The following GDPD1 variants were observed in gnomAD, a reference collection of about 807,000 sequenced individuals.
GDPD1 encodes the protein lysophospholipase D GDPD1.
A neutral mutation model predicts 45.1 loss-of-function variants in GDPD1; 28 were observed. The ratio of observed to expected loss-of-function variants is 0.62; its 90% CI spans 0.46 to 0.85. The LOEUF is 0.85. Ranked by LOEUF, GDPD1 falls within the 40% of genes least tolerant of loss-of-function variation. GDPD1 has a pLI of 0.00. For synonymous variants in GDPD1, 139 were observed against 131.4 expected, an observed-to-expected ratio of 1.06 and a Z score of -0.40; for missense variants, 256 against 364.8, an observed-to-expected ratio of 0.70 and a Z score of 2.43.
chr17:59,247,927 G>A (rs894067867), intron 3 of GDPD1, among the ~76,000 whole-genome samples: 1 of 152,080 alleles, frequency 6.6e-6, no homozygotes, highest in Admixed American at 6.6e-5. Context: ...ACTGCACCCA[G>A]CCTGCACTGA....
intron 1 of GDPD1, among the ~76,000 whole-genome samples, chr17:59,221,517 G>A (rs1370501991): frequency 6.7e-6 from 1 of 149,188 alleles, no homozygotes; most frequent in Non-Finnish European, 1.5e-5. Context: ...GACTAAAAAT[G>A]ATTTCGTTTA....
intron 2 of GDPD1, among the ~76,000 whole-genome samples, chr17:59,240,465 A>G (rs1370600548): frequency 6.6e-6 from 1 of 151,980 alleles, no homozygotes. Context: ...CAGTAAGCTA[A>G]ATAGGTATTT....
At chr17:59,261,490 TTTATTATTA>T (rs766401407) in intron 6 of GDPD1, among the ~76,000 whole-genome samples, 3 of 151,228 alleles carry the variant, frequency 2.0e-5, no homozygotes, top group Admixed American at 6.6e-5. Flanking sequence ...AATGATTTAT[TTTATTATTA>T]TTATTATTAT....
chr17:59,223,317 A>G (rs1318854429), intron 1 of GDPD1, among the ~76,000 whole-genome samples: 2 of 152,206 alleles, frequency 1.3e-5, no homozygotes, highest in Non-Finnish European at 2.9e-5. Context: ...AATCTGTTTT[A>G]CCTATATAAT....
intron 4 of GDPD1, among the ~76,000 whole-genome samples, chr17:59,255,894 T>C (rs867401520): frequency 1.3e-4 from 18 of 135,340 alleles, no homozygotes; most frequent in East Asian, 4.5e-4. Flanking sequence ...CACACACACA[T>C]ATATATATAT....
chr17:59,264,247 G>A (rs923170245), intron 6 of GDPD1, among the ~76,000 whole-genome samples: 3 of 151,706 alleles, frequency 2.0e-5, no homozygotes, highest in South Asian at 4.2e-4. Flanking sequence ...TGATCCACCC[G>A]CCTCAGCCTC....
At chr17:59,254,914 T>A (rs2047284819) in intron 4 of GDPD1, among the ~76,000 whole-genome samples, 1 of 152,204 alleles carries the variant, frequency 6.6e-6, no homozygotes, top group South Asian at 2.1e-4. Flanking sequence ...CATATTGTTA[T>A]GCTTAACAGG....
intron 1 of GDPD1, among the ~76,000 whole-genome samples, chr17:59,221,643 T>G (rs1315135856): frequency 6.6e-6 from 1 of 152,170 alleles, no homozygotes. Context: ...GCCAAATCTT[T>G]GCTTCTTCAT....
intron 2 of GDPD1, among the ~76,000 whole-genome samples, chr17:59,236,311 C>T (rs988949404): frequency 1.4e-4 from 21 of 152,092 alleles, no homozygotes; most frequent in African/African-American, 5.1e-4. Flanking sequence ...TTGCTAAATA[C>T]AACATATTTT....
chr17:59,243,422 T>A (rs1011171684), intron 2 of GDPD1, among the ~76,000 whole-genome samples: 4 of 151,928 alleles, frequency 2.6e-5, no homozygotes, highest in African/African-American at 9.7e-5. Flanking sequence ...GAGAATTGCT[T>A]GAACCTGGGA....
intron 8 of GDPD1, among the ~76,000 whole-genome samples, chr17:59,272,206 A>T (rs2047449606): frequency 6.6e-6 from 1 of 152,196 alleles, no homozygotes; most frequent in African/African-American, 2.4e-5. Context: ...ATGTCTTTCC[A>T]GTGCAATGAA....
chr17:59,231,412 T>C (rs1172223787), intron 1 of GDPD1, among the ~76,000 whole-genome samples: 2 of 147,568 alleles, frequency 1.4e-5, no homozygotes, highest in Non-Finnish European at 3.0e-5. Flanking sequence ...CTGCAAGCTC[T>C]GCCTCCCGGG....
At chr17:59,258,585 A>G (rs1400303056) in intron 6 of GDPD1, among the ~76,000 whole-genome samples, 1 of 152,114 alleles carries the variant, frequency 6.6e-6, no homozygotes, top group Non-Finnish European at 1.5e-5. Flanking sequence ...TAGCCTTCAT[A>G]CACAGGTAGA....
rs1305527126 is a variant in GDPD1, at chr17:59,274,498, G to C, written c.*725G>C. The C allele has an allele frequency of 7.4e-6, 1 of 135,704 alleles. No homozygotes were observed. The highest frequency in any genetic ancestry group is 1.5e-5 in the Non-Finnish European group (1 of 64,550). The allele number at this position is 135,704 out of a possible 1,614,324, so 8.4% of individuals were successfully genotyped here. A position where few individuals can be genotyped will look rare whatever the true frequency, so the allele number is the denominator to read the frequency against. The stretch of plus-strand genomic sequence containing the variant: ...ACTGCACTCCAGCCTGGGAGACAGA[G>C]TGAGACTCCGTCTCAAAAAAAAAAA... On this transcript the variant is annotated 3_prime_UTR_variant, in exon 10 of 10. Transcript: ENST00000284116.
rs915731780 is a variant in GDPD1, at chr17:59,273,458, A to AT, written c.823-184dup. ...TCTGTATATTTAACAAGCACCATGA[A>AT]TTTTTTTTTAACACTCCTCATTCCT... On this transcript the variant is annotated intron_variant, in intron 9 of 9. Coordinates refer to ENST00000284116, the MANE Select transcript of GDPD1 (RefSeq NM_182569.4). Among the ~76,000 whole-genome samples, 795 of 151,676 alleles carry AT rather than the reference A, an allele frequency of 5.2e-3. 11 individuals carry two copies. Among genetic ancestry groups the AT allele is most frequent in the African/African-American group, 0.018 (744 of 41,386 alleles).
chr17:59,243,463 C>T (rs1195397867), intron 2 of GDPD1, among the ~76,000 whole-genome samples: 1 of 151,406 alleles, frequency 6.6e-6, no homozygotes, highest in African/African-American at 2.4e-5. Flanking sequence ...GAGACTGTGC[C>T]GTTGCATTCC....
intron 2 of GDPD1, 23 bp from the exon 3 acceptor site, chr17:59,245,391 T>C: frequency 1.3e-6 from 2 of 1,597,802 alleles, no homozygotes; most frequent in Non-Finnish European, 1.7e-6. Flanking sequence ...GTGTCAGATG[T>C]CATTCTTCTT....
At chr17:59,221,872 G>A (rs755325525) in intron 1 of GDPD1, among the ~76,000 whole-genome samples, 1 of 152,120 alleles carries the variant, frequency 6.6e-6, no homozygotes, top group African/African-American at 2.4e-5. Flanking sequence ...ACAAGTATTG[G>A]CCAAGGAAAA....
chr17:59,224,055 T>C (rs963002195), intron 1 of GDPD1, among the ~76,000 whole-genome samples: 5 of 152,192 alleles, frequency 3.3e-5, no homozygotes, highest in Non-Finnish European at 7.3e-5. Context: ...ATCATTTAAT[T>C]CTTAAAGACT....
Sources: gnomAD v4.1 joint callset for allele counts (sites outside exome capture counted in the v4.1 genomes callset) on GRCh38, gnomAD v4.1.1 for gene constraint, MANE v1.5 for transcripts, NCBI Gene and HGNC (gene_info 2026-07-23, HGNC 2026-07-21) for gene names.